The following APBB1IP variants were observed in gnomAD, a reference collection of about 807,000 sequenced individuals.
The protein encoded by APBB1IP is amyloid beta A4 precursor protein-binding family B member 1-interacting protein.
Under a neutral mutation model 64.9 loss-of-function variants are expected in APBB1IP, and 27 were observed. The ratio of observed to expected loss-of-function variants is 0.42; its 90% CI spans 0.31 to 0.57. The LOEUF is 0.57. Among genes scored for constraint, APBB1IP ranks in the 20% least tolerant of loss-of-function variants. APBB1IP has a pLI of 0.20. For synonymous variants in APBB1IP, 392 were observed against 331.0 expected, an observed-to-expected ratio of 1.18 and a Z score of -2.00; for missense variants, 812 against 845.5, an observed-to-expected ratio of 0.96 and a Z score of 0.49.
Position 26,478,068 on chromosome 10 carries a change from T to A in APBB1IP, c.1-14259T>A, listed in dbSNP as rs117129523. ...GTCAAATCCCTGCCCTCACCGGGCT[T>A]ACACCGTAGTTGATGAGCGGGAAGA... On this transcript the variant is annotated intron_variant, in intron 2 of 14. Coordinates refer to ENST00000376236, the MANE Select transcript of APBB1IP (RefSeq NM_019043.4). Among the ~76,000 whole-genome samples the A allele has an allele frequency of 4.2e-3, 634 of 152,338 alleles. 2 individuals carry two copies. Among genetic ancestry groups the A allele is most frequent in the Non-Finnish European group, 7.0e-3 (479 of 68,026 alleles).
At position 26,535,248 on chromosome 10, in the gene APBB1IP, TCTTC is replaced by T. The variant is rs546441292; in HGVS notation, c.901-821_901-818del. Among the ~76,000 whole-genome samples, 18 of 152,300 alleles carry T rather than the reference TCTTC, an allele frequency of 1.2e-4. No homozygotes were observed. In the South Asian group the frequency reaches 2.3e-3, roughly 19 times the overall value. ...GATACTGATGTATTTATAACTGCCT[TCTTC>T]CTTCTTTGAAAAGAAAACTATCCCA... On this transcript the variant is annotated intron_variant, in intron 9 of 14. Coordinates refer to ENST00000376236, the MANE Select transcript of APBB1IP (RefSeq NM_019043.4).
chr10:26,498,440 C>T (rs1433379796), intron 4 of APBB1IP, among the ~76,000 whole-genome samples: 3 of 151,942 alleles, frequency 2.0e-5, no homozygotes, highest in African/African-American at 7.3e-5. Context: ...AACCAGAAGG[C>T]GGAGGTTGCA....
intron 11 of APBB1IP, among the ~76,000 whole-genome samples, chr10:26,545,039 T>C (rs930172589): frequency 6.6e-6 from 1 of 152,216 alleles, no homozygotes; most frequent in Non-Finnish European, 1.5e-5. Context: ...TGTTCTGTTC[T>C]AAAGCCAATT....
chr10:26,529,515 G>T (rs1441509850), intron 8 of APBB1IP, among the ~76,000 whole-genome samples: 3 of 152,206 alleles, frequency 2.0e-5, no homozygotes, highest in South Asian at 4.1e-4. Flanking sequence ...CCTCTTTAGG[G>T]CACCCTGGTG....
At chr10:26,483,654 C>T (rs552300927) in intron 2 of APBB1IP, among the ~76,000 whole-genome samples, 22 of 152,158 alleles carry the variant, frequency 1.4e-4, no homozygotes, top group Non-Finnish European at 2.8e-4. Flanking sequence ...ACTTCATTGA[C>T]TGTGTCTCAT....
At chr10:26,475,349 C>G (rs1835763149) in intron 2 of APBB1IP, among the ~76,000 whole-genome samples, 1 of 152,114 alleles carries the variant, frequency 6.6e-6, no homozygotes, top group South Asian at 2.1e-4. Flanking sequence ...TCTTGAACTC[C>G]TGACCTCACG....
intron 8 of APBB1IP, among the ~76,000 whole-genome samples, chr10:26,517,253 C>A (rs1445867299): frequency 6.6e-6 from 1 of 152,180 alleles, no homozygotes; most frequent in East Asian, 1.9e-4. Flanking sequence ...TGAATTTTTA[C>A]AAAGTGAACC....
intron 8 of APBB1IP, among the ~76,000 whole-genome samples, chr10:26,517,994 A>C (rs1836353360): frequency 1.3e-5 from 2 of 152,098 alleles, no homozygotes; most frequent in Non-Finnish European, 2.9e-5. Flanking sequence ...TTGCTCTGTC[A>C]CCCAGGCTGG....
At chr10:26,541,967 G>A (rs1002119931) in intron 11 of APBB1IP, among the ~76,000 whole-genome samples, 4 of 151,990 alleles carry the variant, frequency 2.6e-5, no homozygotes, top group African/African-American at 7.3e-5. Context: ...TAATGTTATC[G>A]ATAAGACTAA....
chr10:26,470,816 T>C (rs2132414209), intron 2 of APBB1IP, among the ~76,000 whole-genome samples: 1 of 152,166 alleles, frequency 6.6e-6, no homozygotes, highest in Middle Eastern at 3.4e-3. Context: ...CCTCAGCCTG[T>C]GTCCTTGCCC....
chr10:26,500,717 A>G, intron 4 of APBB1IP, 102 bp from the exon 5 acceptor site: 1 of 1,114,496 alleles, frequency 9.0e-7, no homozygotes, highest in Non-Finnish European at 1.3e-6. Context: ...AATCAAGATA[A>G]TGATTCCTTT....
intron 4 of APBB1IP, 25 bp from the exon 5 acceptor site, chr10:26,500,794 C>T (rs1182325570): frequency 6.3e-7 from 1 of 1,589,806 alleles, no homozygotes; most frequent in Admixed American, 1.8e-5. Context: ...GGTTTTTATA[C>T]CATTAATGTG....
intron 2 of APBB1IP, among the ~76,000 whole-genome samples, chr10:26,454,087 T>TA (rs1385468007): frequency 1.3e-5 from 2 of 152,240 alleles, no homozygotes; most frequent in African/African-American, 2.4e-5. Context: ...TCATTATAAG[T>TA]AAAAAAATCC....
intron 2 of APBB1IP, 120 bp from the exon 3 acceptor site, chr10:26,492,193 TTCCTCTCAATATAG>T: frequency 1.5e-6 from 1 of 662,004 alleles, no homozygotes; most frequent in South Asian, 2.1e-5. Context: ...AACATAAGCC[TTCCTCTCAATATAG>T]TCCTCTCCCA....
At chr10:26,536,043 G>T in intron 9 of APBB1IP, 31 bp from the exon 10 acceptor site, 1 of 1,547,354 alleles carries the variant, frequency 6.5e-7, no homozygotes, top group Non-Finnish European at 8.7e-7. Flanking sequence ...TCTTTCGTGT[G>T]TGTCTTATGT....
At chr10:26,510,203 C>T (rs1836235294) in intron 6 of APBB1IP, among the ~76,000 whole-genome samples, 1 of 152,154 alleles carries the variant, frequency 6.6e-6, no homozygotes, top group African/African-American at 2.4e-5. Flanking sequence ...TTCCTGACCT[C>T]ATGATCTGTC....
At chr10:26,504,742 G>A (rs920859097) in intron 6 of APBB1IP, among the ~76,000 whole-genome samples, 2 of 151,944 alleles carry the variant, frequency 1.3e-5, no homozygotes, top group Admixed American at 6.6e-5. Context: ...AAGTTAATTT[G>A]GTAAATTAAG....
intron 2 of APBB1IP, among the ~76,000 whole-genome samples, chr10:26,487,346 A>C (rs1019576787): frequency 6.6e-6 from 1 of 152,044 alleles, no homozygotes; most frequent in Non-Finnish European, 1.5e-5. Context: ...TTGTCTGTCC[A>C]TTTCAATAAT....
At chr10:26,466,196 G>A (rs530888874) in intron 2 of APBB1IP, among the ~76,000 whole-genome samples, 1 of 152,172 alleles carries the variant, frequency 6.6e-6, no homozygotes, top group Non-Finnish European at 1.5e-5. Flanking sequence ...GGTGTCCTGG[G>A]CTTCTACTAT....
Sources: allele counts gnomAD v4.1 joint callset (sites outside exome capture counted in the v4.1 genomes callset), GRCh38; gene constraint gnomAD v4.1.1; transcripts MANE v1.5; gene names NCBI Gene and HGNC (gene_info 2026-07-23, HGNC 2026-07-21).